Variants in CENPW observed in about 807,000 individuals in gnomAD.
CENPW encodes the protein cancer-up-regulated gene 2 protein.
A neutral mutation model predicts 11.1 loss-of-function variants in CENPW; 3 were observed. The ratio of observed to expected loss-of-function variants is 0.27; its 90% CI spans 0.12 to 0.70. CENPW has a LOEUF of 0.70. Among genes scored for constraint, CENPW ranks in the 30% least tolerant of loss-of-function variants. The probability of loss-of-function intolerance (pLI) is 0.77; values close to 1 mark genes in which losing one functional copy is unlikely to be tolerated. For missense variants in CENPW, 100 were observed against 105.6 expected, an observed-to-expected ratio of 0.95 and a Z score of 0.23; for synonymous variants, 38 against 42.0, an observed-to-expected ratio of 0.91 and a Z score of 0.37.
At chr6:126,409,832 C>G in the CENPW span, among the ~76,000 whole-genome samples, 1 of 151,794 alleles carries the variant, frequency 6.6e-6, no homozygotes, top group Non-Finnish European at 1.5e-5. Context: ...TCACAAGTAG[C>G]ATATAGTTGG....
chr6:126,441,105 T>C, the CENPW span, among the ~76,000 whole-genome samples: 1 of 151,342 alleles, frequency 6.6e-6, no homozygotes, highest in African/African-American at 2.4e-5. Context: ...CCAATTAAGA[T>C]TGGCAGGTGG....
chr6:126,443,748 AG>A, the CENPW span, among the ~76,000 whole-genome samples: 62 of 151,260 alleles, frequency 4.1e-4, no homozygotes, highest in African/African-American at 1.5e-3. Flanking sequence ...TTGGTTCTAT[AG>A]GTAAATAAGA....
At chr6:126,368,661 T>C in the CENPW span, among the ~76,000 whole-genome samples, 3 of 151,960 alleles carry the variant, frequency 2.0e-5, no homozygotes, top group South Asian at 2.1e-4. Context: ...TTTTTTTTTT[T>C]TGAGTTGGAG....
the CENPW span, among the ~76,000 whole-genome samples, chr6:126,373,498 C>T: frequency 6.6e-6 from 1 of 152,226 alleles, no homozygotes. Flanking sequence ...CTTACGACAG[C>T]AGCAAGTATT....
At chr6:126,378,031 G>C in the CENPW span, among the ~76,000 whole-genome samples, 1 of 152,144 alleles carries the variant, frequency 6.6e-6, no homozygotes, top group East Asian at 1.9e-4. Flanking sequence ...GGACGCTCTC[G>C]CATCTTTAAA....
the CENPW span, among the ~76,000 whole-genome samples, chr6:126,473,720 ATCTC>A: frequency 1.9e-3 from 264 of 142,612 alleles, no homozygotes; most frequent in African/African-American, 4.1e-3. Context: ...ACGAGAGTGA[ATCTC>A]TCTCTCTCTC....
At chr6:126,411,622 A>T in the CENPW span, among the ~76,000 whole-genome samples, 2 of 152,092 alleles carry the variant, frequency 1.3e-5, no homozygotes. Flanking sequence ...CTGGAAACTC[A>T]GGCCCGTTGA....
chr6:126,392,356 G>A, the CENPW span, among the ~76,000 whole-genome samples: 1 of 151,700 alleles, frequency 6.6e-6, no homozygotes, highest in African/African-American at 2.4e-5. Flanking sequence ...ATTTTTATAT[G>A]TTGATTTGGT....
At chr6:126,406,692 A>C in the CENPW span, among the ~76,000 whole-genome samples, 1 of 152,058 alleles carries the variant, frequency 6.6e-6, no homozygotes, top group Non-Finnish European at 1.5e-5. Flanking sequence ...TCTCTACTAA[A>C]AATACAAAAA....
the CENPW span, among the ~76,000 whole-genome samples, chr6:126,423,155 G>A: frequency 6.6e-6 from 1 of 151,862 alleles, no homozygotes; most frequent in South Asian, 2.1e-4. Context: ...TCTAGTGGCT[G>A]TAGAATTTTT....
chr6:126,404,797 T>A, the CENPW span, among the ~76,000 whole-genome samples: 2 of 152,078 alleles, frequency 1.3e-5, no homozygotes, highest in Non-Finnish European at 2.9e-5. Flanking sequence ...ATTTGTATGT[T>A]TTCTTTGAGA....
chr6:126,371,277 ACTG>A, the CENPW span, among the ~76,000 whole-genome samples: 1 of 152,082 alleles, frequency 6.6e-6, no homozygotes, highest in Admixed American at 6.5e-5. Flanking sequence ...TGGTGATTTT[ACTG>A]AGGGTTTTAA....
At chr6:126,408,895 G>A in the CENPW span, among the ~76,000 whole-genome samples, 10 of 151,462 alleles carry the variant, frequency 6.6e-5, no homozygotes, top group Non-Finnish European at 1.0e-4. Flanking sequence ...TGTCAATGTC[G>A]TTTATGTTTT....
chr6:126,476,588 G>A, the CENPW span, among the ~76,000 whole-genome samples: 3 of 152,016 alleles, frequency 2.0e-5, no homozygotes, highest in African/African-American at 7.2e-5. Flanking sequence ...AATGGCTTTT[G>A]TTAGAACCCT....
the CENPW span, among the ~76,000 whole-genome samples, chr6:126,359,559 T>G: frequency 6.6e-6 from 1 of 152,138 alleles, no homozygotes; most frequent in Non-Finnish European, 1.5e-5. Context: ...TCTGTCTAAG[T>G]TTTTTCCTAG....
chr6:126,340,693 G>A (rs1227648818), intron 1 of CENPW, among the ~76,000 whole-genome samples: 1 of 152,166 alleles, frequency 6.6e-6, no homozygotes, highest in Non-Finnish European at 1.5e-5. Context: ...AAATATTGCT[G>A]TTTAGGAACA....
the CENPW span, among the ~76,000 whole-genome samples, chr6:126,403,034 G>T: frequency 2.0e-4 from 30 of 151,980 alleles, no homozygotes; most frequent in African/African-American, 6.7e-4. Context: ...GTCTTTTATG[G>T]TGATCTGTAA....
chr6:126,416,375 A>C, the CENPW span, among the ~76,000 whole-genome samples: 1 of 152,176 alleles, frequency 6.6e-6, no homozygotes, highest in Admixed American at 6.5e-5. Flanking sequence ...GCAGCCTGAC[A>C]ATGTGATAGA....
the CENPW span, among the ~76,000 whole-genome samples, chr6:126,381,302 A>G: frequency 6.6e-6 from 1 of 152,190 alleles, no homozygotes; most frequent in Non-Finnish European, 1.5e-5. Flanking sequence ...TGGCAGCAGT[A>G]TCACCCTTAT....
Sources: allele counts gnomAD v4.1 joint callset (sites outside exome capture counted in the v4.1 genomes callset), GRCh38; gene constraint gnomAD v4.1.1; transcripts MANE v1.5; gene names NCBI Gene and HGNC (gene_info 2026-07-23, HGNC 2026-07-21).